DACH2: variants seen among roughly 807,000 people sequenced by gnomAD.
DACH2 encodes dachshund family transcription factor 2.
A neutral mutation model predicts 35.8 loss-of-function variants in DACH2; 17 were observed. The observed-to-expected ratio is 0.48, with a 90% CI of 0.33 to 0.71. The LOEUF (loss-of-function observed/expected upper bound fraction) is 0.71, where lower values mean the gene tolerates loss of function less well. Among genes scored for constraint, DACH2 ranks in the 30% least tolerant of loss-of-function variants. DACH2 has a pLI of 0.02. For synonymous variants in DACH2, 195 were observed against 177.3 expected (o/e 1.10, Z -0.79); for missense variants, 469 against 472.7 (o/e 0.99, Z 0.07).
intron 1 of DACH2, among the ~76,000 whole-genome samples, chrX:86,319,033 A>T (rs2034968019): frequency 8.9e-6 from 1 of 112,089 alleles, no homozygotes. Context: ...CCTTATAGAC[A>T]ATTCTATTCA....
At chrX:86,362,045 G>T (rs563491607) in intron 1 of DACH2, among the ~76,000 whole-genome samples, 1 of 111,098 alleles carries the variant, frequency 9.0e-6, no homozygotes, top group African/African-American at 3.3e-5. Context: ...AAATGATTAT[G>T]CCTGTAGAAA....
At chrX:86,766,571 C>G in intron 7 of DACH2, among the ~76,000 whole-genome samples, 1 of 111,842 alleles carries the variant, frequency 8.9e-6, no homozygotes, top group Middle Eastern at 4.7e-3. Context: ...TCTTCCTACA[C>G]CAAACTAGAT....
intron 4 of DACH2, among the ~76,000 whole-genome samples, chrX:86,661,348 A>G (rs1024652658): frequency 8.9e-6 from 1 of 112,525 alleles, no homozygotes; most frequent in Non-Finnish European, 1.9e-5. Context: ...ATCCGCAAAG[A>G]ACCTGGAAAC....
chrX:86,310,904 C>T (rs999418234), intron 1 of DACH2, among the ~76,000 whole-genome samples: 69 of 111,030 alleles, frequency 6.2e-4, no homozygotes, highest in African/African-American at 1.7e-3. Context: ...CTCCAGCCAC[C>T]GCTGTCATTG....
chrX:86,258,998 C>A (rs150875723), intron 1 of DACH2, among the ~76,000 whole-genome samples: 5,483 of 111,166 alleles, frequency 0.049, 166 homozygotes, highest in Non-Finnish European at 0.079. Flanking sequence ...CTTTCCTTTT[C>A]TTTAAGGAGA....
chrX:86,273,663 A>T (rs1485076125), intron 1 of DACH2, among the ~76,000 whole-genome samples: 1 of 112,523 alleles, frequency 8.9e-6, no homozygotes, highest in Non-Finnish European at 1.9e-5. Flanking sequence ...AAATGTAGTC[A>T]ATATGGGATA....
intron 4 of DACH2, among the ~76,000 whole-genome samples, chrX:86,668,827 A>G (rs188505752): frequency 6.3e-5 from 7 of 111,748 alleles, no homozygotes; most frequent in Admixed American, 1.9e-4. Context: ...TAATTTTAGG[A>G]AACAAGGGTT....
intron 2 of DACH2, among the ~76,000 whole-genome samples, chrX:86,447,209 G>A (rs1160209968): frequency 1.1e-5 from 1 of 94,460 alleles, no homozygotes; most frequent in Admixed American, 1.2e-4. Context: ...TTTGTCAGAA[G>A]AGTAGGTTGC....
At chrX:86,827,737 G>T (rs2042575563) in intron 11 of DACH2, 4 of 1,156,808 alleles carry the variant, frequency 3.5e-6, no homozygotes, top group South Asian at 1.9e-5. Flanking sequence ...ATGAAATTTT[G>T]ACCAGGTCTT....
At chrX:86,815,618 T>TATATATATAATC (rs2042441093) in intron 10 of DACH2, among the ~76,000 whole-genome samples, 1 of 105,965 alleles carries the variant, frequency 9.4e-6, no homozygotes. Flanking sequence ...TACACATATT[T>TATATATATAATC]ATATATATAC....
At chrX:86,415,230 G>C (rs771454939) in intron 2 of DACH2, among the ~76,000 whole-genome samples, 1 of 111,983 alleles carries the variant, frequency 8.9e-6, no homozygotes, top group Non-Finnish European at 1.9e-5. Flanking sequence ...CAGTCTAGTA[G>C]CTGGGATCTT....
chrX:86,656,705 C>T (rs921457342), intron 4 of DACH2, among the ~76,000 whole-genome samples: 4 of 108,188 alleles, frequency 3.7e-5, no homozygotes, highest in African/African-American at 1.3e-4. Context: ...GTTTTCACTA[C>T]ATCTCTGATA....
chrX:86,279,100 G>T (rs1231288727), intron 1 of DACH2, among the ~76,000 whole-genome samples: 1 of 112,082 alleles, frequency 8.9e-6, no homozygotes, highest in African/African-American at 3.2e-5. Flanking sequence ...GGGGGAAGGG[G>T]TGGCTGTGGG....
At chrX:86,206,377 T>C (rs956558137) in intron 1 of DACH2, among the ~76,000 whole-genome samples, 3 of 112,129 alleles carry the variant, frequency 2.7e-5, no homozygotes, top group African/African-American at 9.7e-5. Flanking sequence ...CCTGAGAATC[T>C]TTTGCACTTG....
chrX:86,416,456 A>G (rs2036704762), intron 2 of DACH2, among the ~76,000 whole-genome samples: 1 of 112,106 alleles, frequency 8.9e-6, no homozygotes. Flanking sequence ...GGGCACACAC[A>G]TTTATTATAA....
chrX:86,764,991 C>T (rs2041917622), intron 7 of DACH2, among the ~76,000 whole-genome samples: 1 of 92,771 alleles, frequency 1.1e-5, no homozygotes. Context: ...TGATGTTGAG[C>T]ATTTTTTTCA....
At chrX:86,805,828 CAA>C (rs1247302986) in intron 7 of DACH2, among the ~76,000 whole-genome samples, 1 of 112,130 alleles carries the variant, frequency 8.9e-6, no homozygotes, top group East Asian at 2.8e-4. Context: ...TAAAGCATAG[CAA>C]AAGTGACCTT....
At chrX:86,279,443 G>C (rs1320282538) in intron 1 of DACH2, among the ~76,000 whole-genome samples, 1 of 111,947 alleles carries the variant, frequency 8.9e-6, no homozygotes. Flanking sequence ...AGAGGGGCCT[G>C]ACTGTTAGAA....
intron 5 of DACH2, among the ~76,000 whole-genome samples, chrX:86,710,944 C>T (rs1038363833): frequency 2.7e-5 from 3 of 111,755 alleles, no homozygotes; most frequent in African/African-American, 9.8e-5. Context: ...CAGAAGTCAA[C>T]GTGACTTAGA....
Sources: allele counts gnomAD v4.1 joint callset (sites outside exome capture counted in the v4.1 genomes callset), GRCh38; gene constraint gnomAD v4.1.1; transcripts MANE v1.5; gene names NCBI Gene and HGNC (gene_info 2026-07-23, HGNC 2026-07-21).